RBFOX1: variants seen among roughly 807,000 people sequenced by gnomAD.
RBFOX1 encodes the protein RNA binding fox-1 homolog 1.
A neutral mutation model predicts 57.7 loss-of-function variants in RBFOX1; 8 were observed. The observed-to-expected ratio is 0.14, with a 90% CI of 0.08 to 0.25. The LOEUF (loss-of-function observed/expected upper bound fraction) is 0.25. Among genes scored for constraint, RBFOX1 ranks in the 10% least tolerant of loss-of-function variants. The pLI, the probability that RBFOX1 is intolerant of heterozygous loss-of-function variation, is 1.00. For missense variants in RBFOX1, 611 were observed against 548.5 expected, an observed-to-expected ratio of 1.11 and a Z score of -1.14; for synonymous variants, 326 against 222.4, an observed-to-expected ratio of 1.47 and a Z score of -4.15.
At chr16:7,003,454 A>G (rs941012012) in intron 3 of RBFOX1, among the ~76,000 whole-genome samples, 3 of 117,516 alleles carry the variant, frequency 2.6e-5, no homozygotes, top group African/African-American at 8.1e-5. Flanking sequence ...GCGAGACTCC[A>G]TCTTAAAAAA....
intron 3 of RBFOX1, among the ~76,000 whole-genome samples, chr16:6,928,049 A>T (rs570232266): frequency 6.6e-6 from 1 of 151,998 alleles, no homozygotes; most frequent in Non-Finnish European, 1.5e-5. Context: ...AATTTCCCCA[A>T]CTTGGGTTGA....
chr16:6,563,225 C>G (rs888258705), intron 2 of RBFOX1, among the ~76,000 whole-genome samples: 2 of 152,132 alleles, frequency 1.3e-5, no homozygotes, highest in Admixed American at 1.3e-4. Flanking sequence ...ACTTCCAAGA[C>G]AATTTTAGCA....
chr16:6,329,647 G>A (rs905891188), intron 2 of RBFOX1, among the ~76,000 whole-genome samples: 2 of 152,152 alleles, frequency 1.3e-5, no homozygotes, highest in Non-Finnish European at 2.9e-5. Context: ...AAAGATGGAT[G>A]AAGGCCAGGC....
intron 12 of RBFOX1, among the ~76,000 whole-genome samples, chr16:7,661,891 CA>C (rs2067848082): frequency 1.3e-5 from 2 of 152,200 alleles, no homozygotes; most frequent in Admixed American, 1.3e-4. Flanking sequence ...GCATGGCAAT[CA>C]GGTTACCCTA....
chr16:6,389,230 G>T (rs944434660), intron 2 of RBFOX1, among the ~76,000 whole-genome samples: 2 of 152,132 alleles, frequency 1.3e-5, no homozygotes, highest in Non-Finnish European at 2.9e-5. Context: ...ATTTTTCTGT[G>T]TCTGTGGGCA....
At chr16:6,897,532 G>A (rs1242720963) in intron 3 of RBFOX1, among the ~76,000 whole-genome samples, 6 of 152,202 alleles carry the variant, frequency 3.9e-5, no homozygotes, top group Non-Finnish European at 7.3e-5. Context: ...AGTGGCTCAC[G>A]CCTGTAATCC....
Position 7,030,631 on chromosome 16 carries a change from C to T in RBFOX1, c.-15-21426C>T, listed in dbSNP as rs370917110. Among the ~76,000 whole-genome samples the T allele has an allele frequency of 4.6e-5, 7 of 152,234 alleles. No homozygotes were observed. In the East Asian group the frequency reaches 1.4e-3, roughly 29 times the overall value. On this transcript the variant is annotated intron_variant, in intron 3 of 15. Transcript: ENST00000550418. Reference sequence around the variant, plus strand: ...TGGACACTCCCTTTGGATCTAGGACCTACTCTAATCTACTATGATTTTCTC... The same window carrying T: ...TGGACACTCCCTTTGGATCTAGGACTTACTCTAATCTACTATGATTTTCTC...
At chr16:7,026,671 G>T (rs112342082) in intron 3 of RBFOX1, among the ~76,000 whole-genome samples, 9 of 152,242 alleles carry the variant, frequency 5.9e-5, no homozygotes, top group African/African-American at 2.2e-4. Context: ...CAGAAATACT[G>T]TCCCTGTACC....
chr16:5,340,449 A>T (rs1020083870), intron 1 of RBFOX1, among the ~76,000 whole-genome samples: 1 of 152,244 alleles, frequency 6.6e-6, no homozygotes, highest in Non-Finnish European at 1.5e-5. Flanking sequence ...AAATAATTCT[A>T]TGATCTGTCA....
At chr16:7,123,761 C>G (rs958447966) in intron 4 of RBFOX1, among the ~76,000 whole-genome samples, 4 of 152,088 alleles carry the variant, frequency 2.6e-5, no homozygotes, top group Non-Finnish European at 4.4e-5. Context: ...TGATACTTTA[C>G]AGCTATAGAT....
chr16:7,114,549 C>G (rs1414819299), intron 4 of RBFOX1, among the ~76,000 whole-genome samples: 1 of 152,176 alleles, frequency 6.6e-6, no homozygotes, highest in Admixed American at 6.5e-5. Context: ...CACCATGAGC[C>G]TAATGAGAAA....
At chr16:6,343,538 C>A (rs1278157807) in intron 2 of RBFOX1, among the ~76,000 whole-genome samples, 1 of 152,202 alleles carries the variant, frequency 6.6e-6, no homozygotes, top group African/African-American at 2.4e-5. Flanking sequence ...CTCTTTCATT[C>A]CTTCCTTCTT....
chr16:7,477,361 A>G (rs2062951868), intron 4 of RBFOX1, among the ~76,000 whole-genome samples: 1 of 151,968 alleles, frequency 6.6e-6, no homozygotes, highest in African/African-American at 2.4e-5. Flanking sequence ...CATTGTGAGG[A>G]CCTGGGCTCC....
At chr16:7,399,958 G>T (rs2098213394) in intron 4 of RBFOX1, among the ~76,000 whole-genome samples, 2 of 152,140 alleles carry the variant, frequency 1.3e-5, no homozygotes, top group South Asian at 4.1e-4. Flanking sequence ...TATGTACCAG[G>T]CATTGTGCTA....
chr16:6,440,382 G>C (rs1469859463), intron 2 of RBFOX1, among the ~76,000 whole-genome samples: 8 of 152,162 alleles, frequency 5.3e-5, no homozygotes, highest in Admixed American at 3.3e-4. Context: ...CAAGGTAGCT[G>C]GGCTTAACCA....
chr16:6,681,320 A>G lies in RBFOX1; in HGVS notation c.-16+26670A>G, dbSNP rs563974016. Reference sequence around the variant, plus strand: ...GTGACAGAGCAAGAGCCTGTCTGGAAAAAAAACAAAAAAATATATTTTGAT... The same window carrying G: ...GTGACAGAGCAAGAGCCTGTCTGGAGAAAAAACAAAAAAATATATTTTGAT... On this transcript the variant is annotated intron_variant, in intron 3 of 15. Coordinates refer to ENST00000550418, the MANE Select transcript of RBFOX1 (RefSeq NM_018723.4). Among the ~76,000 whole-genome samples the G allele has an allele frequency of 1.6e-3, 238 of 152,276 alleles. 1 individual carries two copies. Among genetic ancestry groups the G allele is most frequent in the African/African-American group, 5.5e-3 (229 of 41,542 alleles).
chr16:7,403,571 C>T (rs985729617), intron 4 of RBFOX1, among the ~76,000 whole-genome samples: 8 of 146,976 alleles, frequency 5.4e-5, no homozygotes, highest in African/African-American at 2.0e-4. Context: ...ATCCCCCCCC[C>T]CCCACTTTTT....
rs564705368 is a variant in RBFOX1, at chr16:6,435,825, A to C, written c.-64+118768A>C. Among the ~76,000 whole-genome samples the C allele has an allele frequency of 7.2e-5, 11 of 152,256 alleles. No homozygotes were observed. In the South Asian group the frequency reaches 2.3e-3, roughly 32 times the overall value. On this transcript the variant is annotated intron_variant, in intron 2 of 15. Coordinates refer to ENST00000550418, the MANE Select transcript of RBFOX1 (RefSeq NM_018723.4). ...GGAGCTGGTGCCTATGTGGTAGTCAAACAGTAGATGGACTTATCTCACATG... is the reference window on the plus strand; with the variant it reads ...GGAGCTGGTGCCTATGTGGTAGTCACACAGTAGATGGACTTATCTCACATG...
intron 4 of RBFOX1, among the ~76,000 whole-genome samples, chr16:7,227,706 G>A (rs553310429): frequency 4.6e-5 from 7 of 152,268 alleles, no homozygotes; most frequent in African/African-American, 7.2e-5. Flanking sequence ...CATTTGGCCC[G>A]TCGCCCTGCC....
Sources: allele counts gnomAD v4.1 joint callset (sites outside exome capture counted in the v4.1 genomes callset), GRCh38; gene constraint gnomAD v4.1.1; transcripts MANE v1.5; gene names NCBI Gene and HGNC (gene_info 2026-07-23, HGNC 2026-07-21).